The following OLFM3 variants were observed in gnomAD, a reference collection of about 807,000 sequenced individuals.
OLFM3 encodes noelin-3.
In OLFM3, 20 loss-of-function variants were observed where a neutral mutation model predicts 48.6. That is an observed-to-expected ratio of 0.41 (90% confidence interval 0.29 to 0.60). OLFM3 has a LOEUF of 0.60. Ranked by LOEUF, OLFM3 falls within the 20% of genes least tolerant of loss-of-function variation. OLFM3 has a pLI of 0.28. For missense variants in OLFM3, 437 were observed against 544.3 expected, an observed-to-expected ratio of 0.80 and a Z score of 1.96; for synonymous variants, 222 against 198.1, an observed-to-expected ratio of 1.12 and a Z score of -1.01.
intron 1 of OLFM3, among the ~76,000 whole-genome samples, chr1:101,924,827 T>C (rs778991694): frequency 6.6e-6 from 1 of 152,196 alleles, no homozygotes; most frequent in African/African-American, 2.4e-5. Flanking sequence ...CAAAATTCAA[T>C]GAATGTTTAT....
chr1:101,807,650 G>C (rs920779374), intron 4 of OLFM3, among the ~76,000 whole-genome samples: 1 of 151,764 alleles, frequency 6.6e-6, no homozygotes, highest in African/African-American at 2.4e-5. Flanking sequence ...TGCACTACTA[G>C]TTTAGTGATA....
chr1:101,892,224 G>A (rs2101006480), intron 1 of OLFM3, among the ~76,000 whole-genome samples: 1 of 148,436 alleles, frequency 6.7e-6, no homozygotes, highest in Admixed American at 6.7e-5. Flanking sequence ...GTATTGTACT[G>A]GTTCTAGTCT....
At chr1:101,861,978 T>A (rs937843769) in intron 1 of OLFM3, among the ~76,000 whole-genome samples, 4 of 152,036 alleles carry the variant, frequency 2.6e-5, no homozygotes, top group Non-Finnish European at 4.4e-5. Context: ...GGGTTAAAAA[T>A]AGGATTGGGG....
At chr1:101,823,638 G>A (rs890936376) in intron 4 of OLFM3, among the ~76,000 whole-genome samples, 3 of 152,052 alleles carry the variant, frequency 2.0e-5, no homozygotes, top group Admixed American at 1.3e-4. Context: ...TTTCAACAGA[G>A]CAAAATAATT....
chr1:101,818,493 TATTTGAAGATTCAATTTA>T (rs1654444210), intron 4 of OLFM3, among the ~76,000 whole-genome samples: 1 of 152,120 alleles, frequency 6.6e-6, no homozygotes. Flanking sequence ...GTAAATGACT[TATTTGAAGATTCAATTTA>T]ATTTAAAGGA....
At chr1:101,949,890 A>G in intron 1 of OLFM3, among the ~76,000 whole-genome samples, 1 of 138,542 alleles carries the variant, frequency 7.2e-6, no homozygotes, top group African/African-American at 2.7e-5. Context: ...AGATCGCGCC[A>G]CTGCACACTC....
At chr1:101,964,177 A>G (rs1363788811) in intron 1 of OLFM3, among the ~76,000 whole-genome samples, 1 of 152,156 alleles carries the variant, frequency 6.6e-6, no homozygotes, top group African/African-American at 2.4e-5. Flanking sequence ...TGGTGGTTGT[A>G]TATGTATGTG....
chr1:101,989,600 C>T (rs1170184060), intron 1 of OLFM3, among the ~76,000 whole-genome samples: 4 of 151,332 alleles, frequency 2.6e-5, no homozygotes, highest in Non-Finnish European at 5.9e-5. Flanking sequence ...TTTTTTTACC[C>T]TTCATATTAT....
rs569226122 is a variant in OLFM3, at chr1:101,950,611, T to G, written c.69+46137A>C. Reference sequence around the variant, plus strand: ...CTGCCACCACTCCCGGCTAATTTTTTTTTTTGGTATTTTTAGTAGAGACGG... The same window carrying G: ...CTGCCACCACTCCCGGCTAATTTTTGTTTTTGGTATTTTTAGTAGAGACGG... On this transcript the variant is annotated intron_variant, in intron 1 of 5. Transcript: ENST00000370103. Among the ~76,000 whole-genome samples, 18 of 152,042 alleles carry G rather than the reference T, an allele frequency of 1.2e-4. No individual in the cohort carries two copies. The South Asian group carries it at 2.5e-3, about 21-fold the overall frequency.
chr1:101,850,239 T>G (rs960023627), intron 1 of OLFM3, among the ~76,000 whole-genome samples: 5 of 152,142 alleles, frequency 3.3e-5, no homozygotes, highest in African/African-American at 9.7e-5. Context: ...TTTGTGGAAT[T>G]TCATAGTGGA....
chr1:101,808,380 T>C (rs1251797264), intron 4 of OLFM3, among the ~76,000 whole-genome samples: 2 of 151,296 alleles, frequency 1.3e-5, no homozygotes, highest in Non-Finnish European at 3.0e-5. Flanking sequence ...GAAGATGGAA[T>C]AAGATGCATT....
chr1:101,965,767 T>C (rs981395543), intron 1 of OLFM3, among the ~76,000 whole-genome samples: 1 of 152,222 alleles, frequency 6.6e-6, no homozygotes, highest in Non-Finnish European at 1.5e-5. Flanking sequence ...TGAAGAGGCA[T>C]ATATTTTATG....
At chr1:101,888,150 T>C (rs1657842741) in intron 1 of OLFM3, among the ~76,000 whole-genome samples, 1 of 152,128 alleles carries the variant, frequency 6.6e-6, no homozygotes, top group Non-Finnish European at 1.5e-5. Context: ...AAAAAACTAC[T>C]TTAAAGTTCA....
intron 1 of OLFM3, among the ~76,000 whole-genome samples, chr1:101,926,285 T>C (rs1659268550): frequency 6.6e-6 from 1 of 152,214 alleles, no homozygotes. Context: ...ATGGGGATGA[T>C]GATATTGAAT....
In OLFM3 at chr1:101,925,735, G is replaced by T. The variant is rs373078389; in HGVS notation, c.69+71013C>A. Among the ~76,000 whole-genome samples the T allele has an allele frequency of 1.7e-3, 257 of 151,372 alleles. 1 individual carries two copies. Among genetic ancestry groups the T allele is most frequent in the African/African-American group, 6.0e-3 (248 of 41,254 alleles). ...GTAGAGAAGGGGTTTCTGTATGAGT[G>T]CCCAGGCTGGTCTCAAACTCCTCGG... On this transcript the variant is annotated intron_variant, in intron 1 of 5. Coordinates refer to ENST00000370103, the MANE Select transcript of OLFM3 (RefSeq NM_058170.4).
intron 1 of OLFM3, among the ~76,000 whole-genome samples, chr1:101,988,394 T>C (rs1661310013): frequency 6.6e-6 from 1 of 152,114 alleles, no homozygotes; most frequent in Non-Finnish European, 1.5e-5. Flanking sequence ...AAGTCAAAAA[T>C]AGCACTGAGG....
intron 1 of OLFM3, among the ~76,000 whole-genome samples, chr1:101,905,871 C>A (rs528541051): frequency 1.3e-5 from 2 of 152,104 alleles, no homozygotes; most frequent in African/African-American, 2.4e-5. Context: ...AAGCAGAGAA[C>A]CACAATTCTC....
At chr1:101,858,300 G>A (rs1656511462) in intron 1 of OLFM3, among the ~76,000 whole-genome samples, 1 of 152,030 alleles carries the variant, frequency 6.6e-6, no homozygotes, top group Non-Finnish European at 1.5e-5. Context: ...GTTTCACAGT[G>A]AAACATGAAA....
At chr1:101,833,479 G>A (rs1655262792) in intron 2 of OLFM3, among the ~76,000 whole-genome samples, 1 of 152,196 alleles carries the variant, frequency 6.6e-6, no homozygotes, top group African/African-American at 2.4e-5. Context: ...GAGTAAGGAA[G>A]GAGAACTGTC....
Sources: gnomAD v4.1 joint callset for allele counts (sites outside exome capture counted in the v4.1 genomes callset) on GRCh38, gnomAD v4.1.1 for gene constraint, MANE v1.5 for transcripts, NCBI Gene and HGNC (gene_info 2026-07-23, HGNC 2026-07-21) for gene names.